The following CPEB2 variants were observed in gnomAD, a reference collection of about 807,000 sequenced individuals.
CPEB2 encodes cytoplasmic polyadenylation element binding protein 2, also known as cytoplasmic polyadenylation element-binding protein 2.
CPEB2 carries 56 observed loss-of-function variants against 93.6 expected under a neutral mutation model. The observed-to-expected ratio is 0.60, with a 90% CI of 0.48 to 0.75. The LOEUF is 0.75. CPEB2 is among the 30% of genes least tolerant of loss of function. The probability of loss-of-function intolerance (pLI) is 0.00; values close to 1 mark genes in which losing one functional copy is unlikely to be tolerated. For synonymous variants in CPEB2, 764 were observed against 586.3 expected (o/e 1.30, Z -4.38); for missense variants, 1,579 against 1,395.1 (o/e 1.13, Z -2.10).
Position 15,065,977 on chromosome 4 carries a change from A to G in CPEB2, c.2878-176A>G, listed in dbSNP as rs116137523. ...GGAATGTTTTGCAAATCAGATTTTT[A>G]TAGATTTTTAAAGTGTTTTAACCTA... On this transcript the variant is annotated intron_variant, in intron 11 of 11. Coordinates refer to ENST00000538197, the MANE Select transcript of CPEB2 (RefSeq NM_001177382.2). 6.7e-3 allele frequency among the ~76,000 whole-genome samples: 1,017 copies of G among 152,220 alleles called. 13 individuals carry two copies. The highest frequency in any genetic ancestry group is 0.023 in the African/African-American group (957 of 41,552).
At chr4:15,041,321 C>A (rs1270921937) in intron 6 of CPEB2, among the ~76,000 whole-genome samples, 1 of 151,934 alleles carries the variant, frequency 6.6e-6, no homozygotes, top group African/African-American at 2.4e-5. Flanking sequence ...AAGTGCCACA[C>A]CGAATAAAAA....
At chr4:15,012,683 A>C (rs991055656) in intron 3 of CPEB2, among the ~76,000 whole-genome samples, 1 of 152,128 alleles carries the variant, frequency 6.6e-6, no homozygotes, top group South Asian at 2.1e-4. Flanking sequence ...ATTAAGGACA[A>C]TATTAGCACT....
chr4:15,006,994 AT>A (rs1032215820), intron 1 of CPEB2, among the ~76,000 whole-genome samples: 1 of 152,092 alleles, frequency 6.6e-6, no homozygotes, highest in Non-Finnish European at 1.5e-5. Flanking sequence ...GTTAATTTCA[AT>A]TTTTTTCTTC....
At chr4:15,038,777 C>T (rs186906396) in intron 5 of CPEB2, among the ~76,000 whole-genome samples, 4 of 151,980 alleles carry the variant, frequency 2.6e-5, no homozygotes, top group African/African-American at 4.8e-5. Flanking sequence ...TTAGTAGAGA[C>T]GAGGTTTCAC....
chr4:15,040,518 T>G (rs73797788), intron 6 of CPEB2, 31 bp downstream of exon 6: 51,650 of 1,527,764 alleles, frequency 0.034, 2,528 homozygotes, highest in African/African-American at 0.21. Flanking sequence ...ATGGTATAAT[T>G]GTTTCTAATG....
chr4:15,065,459 A>G (rs187087379), intron 11 of CPEB2, among the ~76,000 whole-genome samples: 5 of 152,250 alleles, frequency 3.3e-5, no homozygotes, highest in African/African-American at 1.2e-4. Flanking sequence ...AATTTATAGA[A>G]TATTTTACCA....
Position 15,003,254 on chromosome 4 carries a change from A to AGCCGCCGCCGCCGCC in CPEB2, c.582_596dup (p.Pro197_Pro201dup), listed in dbSNP as rs560468327. On this transcript the variant is annotated inframe_insertion, in exon 1 of 12. Coordinates refer to ENST00000538197, the MANE Select transcript of CPEB2 (RefSeq NM_001177382.2). The stretch of plus-strand genomic sequence containing the variant: ...CACCTTCCCCACCCTCCGGACTCGA[A>AGCCGCCGCCGCCGCC]GCCGCCGCCGCCGCCTCCGCCGCTC... The AGCCGCCGCCGCCGCC allele has an allele frequency of 4.6e-6, 7 of 1,520,970 alleles. No individual in the cohort carries two copies. Among genetic ancestry groups the AGCCGCCGCCGCCGCC allele is most frequent in the South Asian group, 1.2e-5 (1 of 82,970 alleles). 94.2% of individuals were successfully genotyped at this position (1,520,970 alleles called of 1,614,324 possible). A position where few individuals can be genotyped will look rare whatever the true frequency, so the allele number is the denominator to read the frequency against.
rs558293988 is a variant in CPEB2 at position 15,008,494 on chromosome 4, A to T, written c.2034+67A>T. 4.0e-6 allele frequency: 4 copies of T among 1,008,830 alleles called. No individual in the cohort carries two copies. In the East Asian group the frequency reaches 1.1e-4, roughly 27 times the overall value. The allele number at this position is 1,008,830 out of a possible 1,614,324, so 62.5% of individuals were successfully genotyped here. A position where few individuals can be genotyped will look rare whatever the true frequency, so the allele number is the denominator to read the frequency against. Reference sequence around the variant, plus strand: ...GTTTAGTATTTATATTATGAGTAGGATTTATTATTTACTTTCTTATTATAC... The same window carrying T: ...GTTTAGTATTTATATTATGAGTAGGTTTTATTATTTACTTTCTTATTATAC... On this transcript the variant is annotated intron_variant, in intron 3 of 11. Transcript: ENST00000538197.
At chr4:15,013,910 G>A (rs1011200655) in intron 3 of CPEB2, among the ~76,000 whole-genome samples, 2 of 151,888 alleles carry the variant, frequency 1.3e-5, no homozygotes, top group African/African-American at 4.8e-5. Flanking sequence ...TTATAAGTAG[G>A]CATCTCACTG....
At chr4:15,009,500 C>G (rs534550638) in intron 3 of CPEB2, among the ~76,000 whole-genome samples, 1 of 152,280 alleles carries the variant, frequency 6.6e-6, no homozygotes, top group African/African-American at 2.4e-5. Context: ...ACTCTCTTCT[C>G]TAGTCTGGTC....
rs774503799 is a variant in CPEB2 at position 15,007,578 on chromosome 4, C to A, written c.1936C>A (p.Pro646Thr). The A allele has an allele frequency of 1.3e-6, 2 of 1,576,568 alleles. No homozygotes were observed. Among genetic ancestry groups the A allele is most frequent in the East Asian group, 2.3e-5 (1 of 43,682 alleles). ...RTDNNSNTLL[P>T]LQVRSSLQLP... The stretch of plus-strand genomic sequence containing the variant: ...AGACAACAATAGTAATACACTCTTA[C>A]CCTTACAGGTAAGAATGGTATGTAA... The change falls in exon 2 of 12, where the codon CCC becomes ACC. Residue 646 changes from proline to threonine, a missense_variant. This residue lies in a region of CPEB2 where 1,411 missense variants were observed against 1,056.0 expected (regional missense o/e 1.34). Transcript: ENST00000538197.
intron 6 of CPEB2, among the ~76,000 whole-genome samples, chr4:15,049,367 T>C (rs1044955252): frequency 2.6e-5 from 4 of 152,182 alleles, no homozygotes; most frequent in South Asian, 2.1e-4. Context: ...GCTAAGTTTT[T>C]ATTTGTGTTA....
At chr4:15,027,099 A>G (rs2109015257) in intron 4 of CPEB2, among the ~76,000 whole-genome samples, 1 of 152,302 alleles carries the variant, frequency 6.6e-6, no homozygotes, top group East Asian at 1.9e-4. Context: ...ATGATAATAT[A>G]TTATCTTACT....
chr4:15,020,392 A>G (rs989176878), intron 4 of CPEB2, among the ~76,000 whole-genome samples: 4 of 151,952 alleles, frequency 2.6e-5, no homozygotes, highest in Admixed American at 2.6e-4. Context: ...GAGACTGTCA[A>G]TTGGAAGAAA....
chr4:15,031,185 T>C (rs1247056935), intron 4 of CPEB2, among the ~76,000 whole-genome samples: 1 of 152,184 alleles, frequency 6.6e-6, no homozygotes, highest in Non-Finnish European at 1.5e-5. Flanking sequence ...CATGTTTACA[T>C]GCTCTGCATC....
chr4:15,017,070 G>A (rs967599302), intron 3 of CPEB2, 118 bp from the exon 4 acceptor site: 11 of 631,066 alleles, frequency 1.7e-5, no homozygotes, highest in African/African-American at 1.3e-4. Flanking sequence ...GTGGGATACA[G>A]ATTAATTAGT....
At chr4:15,032,107 A>T (rs148131787) in intron 4 of CPEB2, among the ~76,000 whole-genome samples, 2 of 152,192 alleles carry the variant, frequency 1.3e-5, no homozygotes, top group East Asian at 3.9e-4. Flanking sequence ...ATTTTTTTTC[A>T]TTTGTTGAGA....
rs1338928131 is a variant in CPEB2 at position 15,003,867 on chromosome 4, G to A, written c.1194G>A (p.Pro398=). 5 of 846,400 alleles carry A rather than the reference G, an allele frequency of 5.9e-6. No individual in the cohort carries two copies. The highest frequency in any genetic ancestry group is 3.7e-5 in the Admixed American group (1 of 27,366). The allele number at this position is 846,400 out of a possible 1,614,324, so 52.4% of individuals were successfully genotyped here. ...CGCCACCCCAGCCCCAGCAGCCGCC[G>A]CCGACCCAGCCGCAGCAGCAGCCGC... The part of the protein sequence containing the change: ...ASPPPQPQQP[P]PTQPQQQPPP... The change falls in exon 1 of 12, where the codon CCG becomes CCA. Residue 398 remains proline, a synonymous_variant. Coordinates refer to ENST00000538197, the MANE Select transcript of CPEB2 (RefSeq NM_001177382.2).
chr4:15,033,077 C>G (rs1209905593), intron 4 of CPEB2, 84 bp from the exon 5 acceptor site: 16 of 901,650 alleles, frequency 1.8e-5, no homozygotes, highest in Non-Finnish European at 7.0e-6. Context: ...TTTATGCTGC[C>G]TTTGTTGTTG....
Sources: allele counts gnomAD v4.1 joint callset (sites outside exome capture counted in the v4.1 genomes callset), GRCh38; gene constraint gnomAD v4.1.1; regional missense constraint gnomAD v4.1.1; transcripts MANE v1.5; gene names NCBI Gene and HGNC (gene_info 2026-07-23, HGNC 2026-07-21).